Variants in IMMP2L observed in about 807,000 individuals in gnomAD.
The protein encoded by IMMP2L is inner mitochondrial membrane peptidase subunit 2, also known as mitochondrial inner membrane protease subunit 2.
Under a neutral mutation model 19.3 loss-of-function variants are expected in IMMP2L, and 18 were observed. The observed-to-expected ratio is 0.93, with a 90% CI of 0.64 to 1.38. The LOEUF (loss-of-function observed/expected upper bound fraction) is 1.38, where lower values mean the gene tolerates loss of function less well. Among genes scored for constraint, IMMP2L ranks in the 40% most tolerant of loss-of-function variants. IMMP2L has a pLI of 0.00. For synonymous variants in IMMP2L, 76 were observed against 73.0 expected (o/e 1.04, Z -0.21); for missense variants, 233 against 218.2 (o/e 1.07, Z -0.43).
intron 3 of IMMP2L, among the ~76,000 whole-genome samples, chr7:111,333,042 T>C (rs542910988): frequency 1.3e-5 from 2 of 151,960 alleles, no homozygotes; most frequent in Admixed American, 6.6e-5. Flanking sequence ...CCCAATCCAG[T>C]CAGGGCTACA....
At chr7:110,699,367 G>C (rs1814597678) in intron 5 of IMMP2L, among the ~76,000 whole-genome samples, 1 of 152,144 alleles carries the variant, frequency 6.6e-6, no homozygotes, top group African/African-American at 2.4e-5. Flanking sequence ...TGCTCGGTGT[G>C]GTTGAAGGAA....
chr7:111,183,847 G>T (rs1807977517), intron 3 of IMMP2L, among the ~76,000 whole-genome samples: 1 of 152,016 alleles, frequency 6.6e-6, no homozygotes, highest in Non-Finnish European at 1.5e-5. Flanking sequence ...AGGCATAAAA[G>T]AAAGAACATA....
At chr7:110,971,038 A>G (rs1422160364) in intron 3 of IMMP2L, among the ~76,000 whole-genome samples, 1 of 152,158 alleles carries the variant, frequency 6.6e-6, no homozygotes, top group Admixed American at 6.6e-5. Flanking sequence ...ATTGCCATCT[A>G]TATGGCACAG....
chr7:111,209,414 A>G (rs907596784), intron 3 of IMMP2L, among the ~76,000 whole-genome samples: 2 of 151,620 alleles, frequency 1.3e-5, no homozygotes, highest in Non-Finnish European at 2.9e-5. Flanking sequence ...AAAAAAAAAA[A>G]AAGTAAAAAC....
At chr7:111,378,325 T>C (rs892206063) in intron 3 of IMMP2L, among the ~76,000 whole-genome samples, 11 of 152,000 alleles carry the variant, frequency 7.2e-5, no homozygotes, top group Non-Finnish European at 1.0e-4. Context: ...AAAAAGTTTA[T>C]AGCTTAGCAT....
chr7:110,810,629 C>T lies in IMMP2L; in HGVS notation c.408+75964G>A, dbSNP rs141723584. Among the ~76,000 whole-genome samples the T allele has an allele frequency of 1.8e-4, 28 of 152,092 alleles. No individual in the cohort carries two copies. The East Asian group carries it at 5.5e-3, about 30-fold the overall frequency. On this transcript the variant is annotated intron_variant, in intron 5 of 5. Transcript: ENST00000405709. ...TAAGCAGTAGGATATAAATAACTCC[C>T]ACATGCTTAGAGTTCCGATAATGGA...
At chr7:110,752,989 C>T (rs1249165991) in intron 5 of IMMP2L, among the ~76,000 whole-genome samples, 1 of 152,050 alleles carries the variant, frequency 6.6e-6, no homozygotes, top group Non-Finnish European at 1.5e-5. Context: ...TAGGTCACCA[C>T]ACTAACACTT....
intron 3 of IMMP2L, among the ~76,000 whole-genome samples, chr7:111,402,281 C>T (rs954159081): frequency 8.6e-5 from 13 of 151,846 alleles, no homozygotes; most frequent in African/African-American, 1.4e-4. Context: ...TTCTATGAAA[C>T]GCCCAACTTG....
intron 5 of IMMP2L, among the ~76,000 whole-genome samples, chr7:110,794,510 A>G (rs1800724669): frequency 6.6e-6 from 1 of 152,130 alleles, no homozygotes; most frequent in Non-Finnish European, 1.5e-5. Context: ...TGTATCTTCC[A>G]TTATTATCAA....
rs556421256 is a variant in IMMP2L at position 111,217,377 on chromosome 7, C to T, written c.240-253812G>A. 3.9e-5 allele frequency among the ~76,000 whole-genome samples: 6 copies of T among 152,076 alleles called. No individual in the cohort carries two copies. In the South Asian group the frequency reaches 6.2e-4, roughly 16 times the overall value. On this transcript the variant is annotated intron_variant, in intron 3 of 5. Coordinates refer to ENST00000405709, the MANE Select transcript of IMMP2L (RefSeq NM_032549.4). ...ACCAGCACTACTCCTAATATCAGTC[C>T]GCTTAAGTGGGTACCTGACCCTTTT...
At chr7:111,465,708 C>T (rs1260340320) in intron 3 of IMMP2L, among the ~76,000 whole-genome samples, 3 of 152,112 alleles carry the variant, frequency 2.0e-5, no homozygotes, top group African/African-American at 4.8e-5. Flanking sequence ...GAAATAGGAA[C>T]ACTTTTACAC....
At chr7:111,512,219 A>G (rs1375178383) in intron 2 of IMMP2L, among the ~76,000 whole-genome samples, 1 of 152,212 alleles carries the variant, frequency 6.6e-6, no homozygotes, top group African/African-American at 2.4e-5. Context: ...ATGCTAATAC[A>G]TAGTACAACA....
intron 3 of IMMP2L, among the ~76,000 whole-genome samples, chr7:111,235,485 A>G (rs189489238): frequency 3.4e-4 from 52 of 151,894 alleles, no homozygotes; most frequent in African/African-American, 1.1e-3. Context: ...AAAAAAAAAA[A>G]TTCCACATTG....
intron 1 of IMMP2L, among the ~76,000 whole-genome samples, chr7:111,558,109 G>C (rs1791590574): frequency 6.6e-6 from 1 of 152,122 alleles, no homozygotes. Context: ...GTTTCCAGCG[G>C]AACAGTTGAC....
intron 3 of IMMP2L, among the ~76,000 whole-genome samples, chr7:111,053,068 T>C (rs1212101570): frequency 6.6e-6 from 1 of 152,182 alleles, no homozygotes; most frequent in Non-Finnish European, 1.5e-5. Context: ...CTAAGGGCCA[T>C]AACGCAGAAG....
At chr7:110,671,885 T>A (rs1199189595) in intron 5 of IMMP2L, among the ~76,000 whole-genome samples, 2 of 152,042 alleles carry the variant, frequency 1.3e-5, no homozygotes, top group Non-Finnish European at 2.9e-5. Flanking sequence ...AGACATTTTT[T>A]AAAAAGATGT....
intron 4 of IMMP2L, among the ~76,000 whole-genome samples, chr7:110,961,554 T>C (rs1288218323): frequency 6.6e-6 from 1 of 151,574 alleles, no homozygotes; most frequent in Non-Finnish European, 1.5e-5. Context: ...GCCAACTGTA[T>C]ACCCGATAGA....
At chr7:111,284,649 A>G (rs1050717223) in intron 3 of IMMP2L, among the ~76,000 whole-genome samples, 11 of 152,290 alleles carry the variant, frequency 7.2e-5, no homozygotes, top group African/African-American at 2.4e-4. Flanking sequence ...GGGGCTTTAA[A>G]AATTTCACAA....
intron 3 of IMMP2L, among the ~76,000 whole-genome samples, chr7:111,143,462 A>C (rs1354167466): frequency 1.3e-5 from 2 of 152,178 alleles, no homozygotes; most frequent in Non-Finnish European, 2.9e-5. Context: ...TTCCCCGTGA[A>C]AGACCAACAA....
Sources: gnomAD v4.1 joint callset for allele counts (sites outside exome capture counted in the v4.1 genomes callset) on GRCh38, gnomAD v4.1.1 for gene constraint, MANE v1.5 for transcripts, NCBI Gene and HGNC (gene_info 2026-07-23, HGNC 2026-07-21) for gene names.